HDAC8: variants seen among roughly 807,000 people sequenced by gnomAD.
The protein encoded by HDAC8 is histone deacetylase 8.
A neutral mutation model predicts 32.2 loss-of-function variants in HDAC8; 1 was observed. That is an observed-to-expected ratio of 0.03 (90% confidence interval 0.01 to 0.15). The LOEUF (loss-of-function observed/expected upper bound fraction) is 0.15. Among genes scored for constraint, HDAC8 ranks in the 10% least tolerant of loss-of-function variants. HDAC8 has a pLI of 1.00. For synonymous variants in HDAC8, 108 were observed against 113.9 expected (o/e 0.95, Z 0.33); for missense variants, 117 against 300.0 (o/e 0.39, Z 4.51).
chrX:72,330,441 G>GTCTC (rs200164521), intron 10 of HDAC8, among the ~76,000 whole-genome samples: 8 of 110,142 alleles, frequency 7.3e-5, no homozygotes. Flanking sequence ...GTTGTTTTAA[G>GTCTC]TCTCTCTCTC....
rs142252413 is a variant in HDAC8 at position 72,392,761 on chromosome X, G to C, written c.1006-40923C>G. ...AAACCCTTTTTCTGTTCTGAAAAGA[G>C]ATGTGTAGAAGGGAACTCATTTTGT... On this transcript the variant is annotated intron_variant, in intron 9 of 10. Coordinates refer to ENST00000373573, the MANE Select transcript of HDAC8 (RefSeq NM_018486.3). 9.1e-3 allele frequency among the ~76,000 whole-genome samples: 1,018 copies of C among 112,217 alleles called. 16 individuals are homozygous for C. Among genetic ancestry groups the C allele is most frequent in the African/African-American group, 0.032 (987 of 30,934 alleles).
At chrX:72,391,533 C>A (rs1437529482) in intron 9 of HDAC8, among the ~76,000 whole-genome samples, 1 of 112,183 alleles carries the variant, frequency 8.9e-6, no homozygotes, top group Non-Finnish European at 1.9e-5. Flanking sequence ...ATGTATCAGG[C>A]CTTTTCTTGT....
chrX:72,560,955 T>A (rs1045406360), intron 4 of HDAC8, among the ~76,000 whole-genome samples: 7 of 110,871 alleles, frequency 6.3e-5, no homozygotes, highest in Non-Finnish European at 1.1e-4. Context: ...GAATGTAGTT[T>A]ACTAATAAAA....
At chrX:72,350,040 G>A (rs1185341352) in intron 10 of HDAC8, among the ~76,000 whole-genome samples, 1 of 111,371 alleles carries the variant, frequency 9.0e-6, no homozygotes, top group Non-Finnish European at 1.9e-5. Flanking sequence ...CAGGGAAAAC[G>A]GGCTGGATGG....
intron 7 of HDAC8, chrX:72,474,544 C>T (rs1255549137): frequency 6.2e-6 from 7 of 1,135,570 alleles, no homozygotes; most frequent in Non-Finnish European, 8.1e-6. Flanking sequence ...ACAGGCATCT[C>T]TTTATACTAC....
At chrX:72,425,189 CTCCACA>C (rs1256264835) in intron 9 of HDAC8, among the ~76,000 whole-genome samples, 1 of 112,311 alleles carries the variant, frequency 8.9e-6, no homozygotes, top group Non-Finnish European at 1.9e-5. Context: ...GTTCCAATTT[CTCCACA>C]TCCTTGACAA....
chrX:72,402,514 C>G (rs60705918), intron 9 of HDAC8, among the ~76,000 whole-genome samples: 6,480 of 107,887 alleles, frequency 0.06, 491 homozygotes, highest in African/African-American at 0.21. Flanking sequence ...TCCTTCTGAG[C>G]ACTGCTTTAG....
At chrX:72,409,555 A>T (rs1011361820) in intron 9 of HDAC8, among the ~76,000 whole-genome samples, 33 of 112,429 alleles carry the variant, frequency 2.9e-4, no homozygotes, top group Admixed American at 2.9e-3. Flanking sequence ...GCCCTATCAC[A>T]TGTACTTGAA....
At chrX:72,383,869 CAA>C (rs782518910) in intron 9 of HDAC8, among the ~76,000 whole-genome samples, 3 of 29,532 alleles carry the variant, frequency 1.0e-4, no homozygotes, top group African/African-American at 1.1e-4. Flanking sequence ...GATGCCATCT[CAA>C]AAAAAAAAAA....
In HDAC8 at chrX:72,496,991, G is replaced by A. The variant is rs182055593; in HGVS notation, c.438-1723C>T. 5.4e-5 allele frequency among the ~76,000 whole-genome samples: 6 copies of A among 111,439 alleles called. No homozygotes were observed. In the East Asian group the frequency reaches 1.1e-3, roughly 21 times the overall value. ...ACCCTTTTGCGTTACGAGAAATGGCGAACTGCAAAGGACCACATTGCCCTG... is the reference window on the plus strand; with the variant it reads ...ACCCTTTTGCGTTACGAGAAATGGCAAACTGCAAAGGACCACATTGCCCTG... On this transcript the variant is annotated intron_variant, in intron 4 of 10. Transcript: ENST00000373573.
intron 9 of HDAC8, among the ~76,000 whole-genome samples, chrX:72,400,059 C>T (rs782750936): frequency 1.8e-5 from 2 of 111,464 alleles, no homozygotes; most frequent in Admixed American, 9.5e-5. Flanking sequence ...ACACTTTCTT[C>T]ACAAGAGGAC....
chrX:72,408,697 T>A (rs1424453751), intron 9 of HDAC8, among the ~76,000 whole-genome samples: 1 of 112,197 alleles, frequency 8.9e-6, no homozygotes, highest in African/African-American at 3.2e-5. Context: ...TGAGCCACTG[T>A]ACCTGGCCGG....
chrX:72,517,212 C>G (rs1257926126), intron 4 of HDAC8, among the ~76,000 whole-genome samples: 3 of 111,721 alleles, frequency 2.7e-5, no homozygotes, highest in Non-Finnish European at 5.6e-5. Context: ...GCTTATTGGC[C>G]ATTTATATTT....
intron 9 of HDAC8, among the ~76,000 whole-genome samples, chrX:72,354,705 G>T (rs940024234): frequency 2.8e-4 from 31 of 111,413 alleles, no homozygotes; most frequent in African/African-American, 9.2e-4. Context: ...GCTTTTGGGG[G>T]TACAAGTAGT....
chrX:72,392,132 C>T (rs1457489084), intron 9 of HDAC8, among the ~76,000 whole-genome samples: 4 of 112,139 alleles, frequency 3.6e-5, no homozygotes, highest in African/African-American at 1.3e-4. Context: ...AAAAATGGTA[C>T]ATCTCTTAGG....
At chrX:72,456,523 G>T (rs1355059221) in intron 9 of HDAC8, among the ~76,000 whole-genome samples, 1 of 111,702 alleles carries the variant, frequency 9.0e-6, no homozygotes, top group Non-Finnish European at 1.9e-5. Context: ...TATAGGCTGG[G>T]CATGGTGGCT....
chrX:72,372,102 C>T (rs2044895940), intron 9 of HDAC8, among the ~76,000 whole-genome samples: 1 of 111,192 alleles, frequency 9.0e-6, no homozygotes, highest in South Asian at 3.8e-4. Context: ...CTGGGTTTCA[C>T]CAAGGGCTCC....
chrX:72,383,285 T>C (rs1602641348), intron 9 of HDAC8, among the ~76,000 whole-genome samples: 6 of 112,537 alleles, frequency 5.3e-5, no homozygotes, highest in South Asian at 7.4e-4. Context: ...ATTGCATTAA[T>C]TGTACAGTGC....
rs782532689 is a variant in HDAC8 at position 72,506,142 on chromosome X, G to T, written c.438-10874C>A. ...CGAACACAGAACTGCAGCCGACCAT[G>T]CATGACTAGAATTCTCCTTGAACAA... On this transcript the variant is annotated intron_variant, in intron 4 of 10. Coordinates refer to ENST00000373573, the MANE Select transcript of HDAC8 (RefSeq NM_018486.3). Among the ~76,000 whole-genome samples the T allele has an allele frequency of 5.4e-5, 6 of 111,879 alleles. No individual in the cohort carries two copies. The East Asian group carries it at 1.4e-3, about 26-fold the overall frequency.
Sources: gnomAD v4.1 joint callset for allele counts (sites outside exome capture counted in the v4.1 genomes callset) on GRCh38, gnomAD v4.1.1 for gene constraint, MANE v1.5 for transcripts, NCBI Gene and HGNC (gene_info 2026-07-23, HGNC 2026-07-21) for gene names.